Variants in SPAG16 observed in about 807,000 individuals in gnomAD.
SPAG16 encodes sperm-associated antigen 16 protein.
A neutral mutation model predicts 80.4 loss-of-function variants in SPAG16; 86 were observed. The observed-to-expected ratio is 1.07, with a 90% CI of 0.90 to 1.28. The LOEUF is 1.28. SPAG16 is among the 50% of genes most tolerant of loss of function. SPAG16 has a pLI of 0.00. For missense variants in SPAG16, 870 were observed against 765.3 expected (o/e 1.14, Z -1.61); for synonymous variants, 294 against 265.9 (o/e 1.11, Z -1.03).
At chr2:213,969,813 A>C (rs928888743) in intron 12 of SPAG16, among the ~76,000 whole-genome samples, 1 of 152,100 alleles carries the variant, frequency 6.6e-6, no homozygotes, top group Non-Finnish European at 1.5e-5. Context: ...TGTGTGTAAA[A>C]TGTGGAAGAA....
chr2:213,590,254 A>G (rs1333872562), intron 10 of SPAG16, among the ~76,000 whole-genome samples: 1 of 152,156 alleles, frequency 6.6e-6, no homozygotes, highest in Non-Finnish European at 1.5e-5. Context: ...TGTTTGTTAC[A>G]TGGGTATATT....
intron 15 of SPAG16, among the ~76,000 whole-genome samples, chr2:214,224,266 T>G (rs2058649783): frequency 2.6e-5 from 4 of 152,178 alleles, no homozygotes; most frequent in Admixed American, 1.3e-4. Context: ...TCTTTCATAT[T>G]GATGATTTTG....
intron 11 of SPAG16, among the ~76,000 whole-genome samples, chr2:213,889,340 A>G (rs1277536083): frequency 6.6e-6 from 1 of 151,948 alleles, no homozygotes; most frequent in Non-Finnish European, 1.5e-5. Flanking sequence ...CAGGCTGAGA[A>G]AATCTTACAA....
intron 15 of SPAG16, among the ~76,000 whole-genome samples, chr2:214,358,118 C>T (rs1698938306): frequency 6.6e-6 from 1 of 151,912 alleles, no homozygotes; most frequent in Non-Finnish European, 1.5e-5. Context: ...CTGCAATATT[C>T]AACTTCAGTG....
intron 15 of SPAG16, among the ~76,000 whole-genome samples, chr2:214,287,298 T>C (rs940532738): frequency 5.9e-5 from 9 of 152,242 alleles, no homozygotes; most frequent in African/African-American, 1.9e-4. Flanking sequence ...TTATCTTTTC[T>C]GTTATAAGAA....
intron 10 of SPAG16, among the ~76,000 whole-genome samples, chr2:213,494,668 A>G (rs528531889): frequency 6.6e-6 from 1 of 152,352 alleles, no homozygotes; most frequent in East Asian, 1.9e-4. Context: ...TTGAAAATGT[A>G]AATCAGATCA....
At chr2:213,803,337 T>C (rs2071537202) in intron 10 of SPAG16, among the ~76,000 whole-genome samples, 1 of 152,092 alleles carries the variant, frequency 6.6e-6, no homozygotes, top group African/African-American at 2.4e-5. Flanking sequence ...TGAGGCATCA[T>C]AAATAGAGGA....
intron 9 of SPAG16, among the ~76,000 whole-genome samples, chr2:213,477,530 A>G (rs564013167): frequency 6.6e-6 from 1 of 152,314 alleles, no homozygotes; most frequent in Non-Finnish European, 1.5e-5. Flanking sequence ...AGACATGGAG[A>G]CAAAGGAGAT....
chr2:213,544,390 G>A (rs1219709535), intron 10 of SPAG16, among the ~76,000 whole-genome samples: 2 of 151,892 alleles, frequency 1.3e-5, no homozygotes, highest in Non-Finnish European at 2.9e-5. Context: ...TTAGGTTCAT[G>A]GCAAAACTGA....
intron 10 of SPAG16, among the ~76,000 whole-genome samples, chr2:213,841,930 C>T (rs953803654): frequency 7.9e-5 from 12 of 151,902 alleles, no homozygotes; most frequent in East Asian, 5.8e-4. Context: ...AATATTTTAA[C>T]GGCAAAAATG....
intron 10 of SPAG16, among the ~76,000 whole-genome samples, chr2:213,754,379 G>A (rs1353603712): frequency 6.6e-6 from 1 of 152,186 alleles, no homozygotes; most frequent in Non-Finnish European, 1.5e-5. Flanking sequence ...GTGATGTGGA[G>A]CTGGAAAATG....
intron 10 of SPAG16, among the ~76,000 whole-genome samples, chr2:213,829,915 A>AT (rs2073531934): frequency 6.6e-6 from 1 of 151,964 alleles, no homozygotes; most frequent in African/African-American, 2.4e-5. Context: ...TTCTCCTCTC[A>AT]TGAAGTGGAA....
intron 10 of SPAG16, among the ~76,000 whole-genome samples, chr2:213,796,888 T>C (rs927193628): frequency 1.3e-5 from 2 of 151,250 alleles, no homozygotes; most frequent in African/African-American, 2.4e-5. Flanking sequence ...GAAGAAGATA[T>C]GGTTATTATG....
chr2:214,341,703 T>C (rs775507758), intron 15 of SPAG16, among the ~76,000 whole-genome samples: 2 of 152,180 alleles, frequency 1.3e-5, no homozygotes, highest in Non-Finnish European at 2.9e-5. Flanking sequence ...CCTGAAGCAA[T>C]ATCAGGATAA....
intron 11 of SPAG16, among the ~76,000 whole-genome samples, chr2:213,895,863 T>C (rs944983907): frequency 1.3e-5 from 2 of 151,966 alleles, no homozygotes; most frequent in African/African-American, 4.8e-5. Flanking sequence ...AGGACATTGG[T>C]CTGGACAAAG....
chr2:213,488,214 T>C (rs2074074524), intron 9 of SPAG16, among the ~76,000 whole-genome samples: 1 of 152,110 alleles, frequency 6.6e-6, no homozygotes, highest in African/African-American at 2.4e-5. Context: ...AGGAAATAAC[T>C]ATTGAAAGAA....
intron 10 of SPAG16, among the ~76,000 whole-genome samples, chr2:213,824,689 G>T (rs1053802533): frequency 6.6e-5 from 10 of 152,066 alleles, no homozygotes; most frequent in African/African-American, 2.4e-4. Context: ...CTCTAATTTT[G>T]TTCTTTTAGC....
intron 10 of SPAG16, among the ~76,000 whole-genome samples, chr2:213,717,566 T>A (rs1047965857): frequency 9.2e-5 from 14 of 151,700 alleles, no homozygotes; most frequent in African/African-American, 2.9e-4. Flanking sequence ...TTTTTTTTTT[T>A]AAACAAGTTT....
At chr2:213,505,504 T>G (rs986023029) in intron 10 of SPAG16, among the ~76,000 whole-genome samples, 7 of 152,174 alleles carry the variant, frequency 4.6e-5, no homozygotes, top group African/African-American at 1.7e-4. Flanking sequence ...TTTTAAAACA[T>G]AAGTTAGTAT....
Sources: gnomAD v4.1 joint callset for allele counts (sites outside exome capture counted in the v4.1 genomes callset) on GRCh38, gnomAD v4.1.1 for gene constraint, MANE v1.5 for transcripts, NCBI Gene and HGNC (gene_info 2026-07-23, HGNC 2026-07-21) for gene names.